BRMS1: variants seen among roughly 807,000 people sequenced by gnomAD.
BRMS1 encodes the protein breast cancer metastasis-suppressor 1.
Under a neutral mutation model 40.4 loss-of-function variants are expected in BRMS1, and 26 were observed. The ratio of observed to expected loss-of-function variants is 0.64; its 90% CI spans 0.47 to 0.89. The LOEUF is 0.89. Ranked by LOEUF, BRMS1 falls within the 40% of genes least tolerant of loss-of-function variation. The pLI is 0.00. For synonymous variants in BRMS1, 103 were observed against 116.0 expected, an observed-to-expected ratio of 0.89 and a Z score of 0.72; for missense variants, 289 against 309.4, an observed-to-expected ratio of 0.93 and a Z score of 0.49.
chr11:66,341,945 T>A lies in BRMS1; in HGVS notation c.139+151A>T. On this transcript the variant is annotated intron_variant, in intron 2 of 9. Coordinates refer to ENST00000359957, the MANE Select transcript of BRMS1 (RefSeq NM_015399.4). This position sits in a 1 kb window ranked among gnomAD's most constrained non-coding sequence, Gnocchi z 4.9. ...TGTGTAGGGGCTGTGTGTGCGTGTG[T>A]GCGCTTGTGTGCAGGGTCTGTGTAT... The A allele has an allele frequency of 1.2e-6, 1 of 855,444 alleles. No homozygotes were observed. Among genetic ancestry groups the A allele is most frequent in the South Asian group, 1.6e-5 (1 of 60,694 alleles). 53.0% of individuals were successfully genotyped at this position (855,444 alleles called of 1,614,324 possible). A position where few individuals can be genotyped will look rare whatever the true frequency, so the allele number is the denominator to read the frequency against.
Position 66,341,580 on chromosome 11 carries a change from G to A in BRMS1, c.183C>T (p.Val61=). The A allele has an allele frequency of 6.2e-7, 1 of 1,614,094 alleles. No individual in the cohort carries two copies. Residue 61 remains valine, a synonymous_variant, in exon 3 of 10, where the codon GTC becomes GTT. Coordinates refer to ENST00000359957, the MANE Select transcript of BRMS1 (RefSeq NM_015399.4). This position sits in a 1 kb window ranked among gnomAD's most constrained non-coding sequence, Gnocchi z 4.9. The part of the protein sequence containing the change: ...EDYERRRSEC[V]SEMLDLEKQF... ...GCTTCTCTAGGTCCAGCATCTCACT[G>A]ACACACTCGCTGCGGCGTCGCTCAT...
intron 1 of BRMS1, among the ~76,000 whole-genome samples, chr11:66,344,324 G>A (rs962749432): frequency 6.6e-6 from 1 of 152,174 alleles, no homozygotes; most frequent in African/African-American, 2.4e-5. Context: ...TTCAAGTTGT[G>A]TATAGTAAGC....
chr11:66,344,700 T>A (rs376910494), intron 1 of BRMS1: 1 of 152,326 alleles, frequency 6.6e-6, no homozygotes, highest in Non-Finnish European at 1.5e-5. Flanking sequence ...AATTTATCTT[T>A]TCAGAATGGC....
At position 66,340,976 on chromosome 11, in the gene BRMS1, C is replaced by A; in HGVS notation, c.429G>T (p.Gln143His). Residue 143 changes from glutamine (Q) to histidine (H), a missense_variant, in exon 5 of 10, where the codon CAG becomes CAT. Physicochemically the swap from Gln to His is conservative, Grantham distance 24. Coordinates refer to ENST00000359957, the MANE Select transcript of BRMS1 (RefSeq NM_015399.4). ...GCCCAATCAGGCCCACCTCCAGGTG[C>A]TGTTTGGCTCCCTGCAGCTCACATT... ...KYECELQGAKQHLESEKLLLY... is the reference protein window; with the variant it reads ...KYECELQGAKHHLESEKLLLY... The A allele has an allele frequency of 2.5e-6, 4 of 1,614,142 alleles. No individual in the cohort carries two copies. Among genetic ancestry groups the A allele is most frequent in the Non-Finnish European group, 3.4e-6 (4 of 1,180,010 alleles).
In BRMS1 at chr11:66,341,672, A is replaced by T; in HGVS notation, c.140-49T>A. 6.6e-7 allele frequency: 1 copy of T among 1,520,562 alleles called. No individual in the cohort carries two copies. The highest frequency in any genetic ancestry group is 9.1e-7 in the Non-Finnish European group (1 of 1,096,054). 94.2% of individuals were successfully genotyped at this position (1,520,562 alleles called of 1,614,324 possible). A position where few individuals can be genotyped will look rare whatever the true frequency, so the allele number is the denominator to read the frequency against. ...CTAGCTCTGGGGAGGAGTGGTGGGT[A>T]CCCGCATGTGTGCATGTGCGTCCTG... On this transcript the variant is annotated intron_variant, in intron 2 of 9. Transcript: ENST00000359957. This position sits in a 1 kb window ranked among gnomAD's most constrained non-coding sequence, Gnocchi z 4.9.
At position 66,345,013 on chromosome 11, in the gene BRMS1, G is replaced by A. The variant is rs553477096; in HGVS notation, c.-49C>T. 6 of 152,420 alleles carry A rather than the reference G, an allele frequency of 3.9e-5. No individual in the cohort carries two copies. The highest frequency in any genetic ancestry group is 2.6e-4 in the Admixed American group (4 of 15,314). 9.4% of individuals were successfully genotyped at this position (152,420 alleles called of 1,614,324 possible). A position where few individuals can be genotyped will look rare whatever the true frequency, so the allele number is the denominator to read the frequency against. On this transcript the variant is annotated 5_prime_UTR_variant, in exon 1 of 10. Transcript: ENST00000359957. Reference sequence around the variant, plus strand: ...TCTGGCCTCACGACGGAGATTCCCTGAGAGCTGCCCGTGGTTGCCGGTACC... The same window carrying A: ...TCTGGCCTCACGACGGAGATTCCCTAAGAGCTGCCCGTGGTTGCCGGTACC...
chr11:66,339,092 GAT>G (rs956981726), intron 7 of BRMS1, among the ~76,000 whole-genome samples: 1 of 152,150 alleles, frequency 6.6e-6, no homozygotes, highest in Non-Finnish European at 1.5e-5. Context: ...CCCCTTCCCT[GAT>G]CCAAAGACAG....
chr11:66,342,238 G>A lies in BRMS1; in HGVS notation c.-4C>T, dbSNP rs759512251. 2 of 1,612,478 alleles carry A rather than the reference G, an allele frequency of 1.2e-6. No homozygotes were observed. ...TGCTTGGAGGCTGGACAGGCATCTG[G>A]ACTCTGGGAGAAGGAATGGAGCTAT... On this transcript the variant is annotated 5_prime_UTR_variant, in exon 2 of 10. Transcript: ENST00000359957.
Position 66,341,143 on chromosome 11 carries a change from G to A in BRMS1, c.358+63C>T. 1 of 1,612,460 alleles carries A rather than the reference G, an allele frequency of 6.2e-7. No individual in the cohort carries two copies. The highest frequency in any genetic ancestry group is 8.5e-7 in the Non-Finnish European group (1 of 1,179,046). The stretch of plus-strand genomic sequence containing the variant: ...AGGGCAAGGCCGGGCAGGAACGAGA[G>A]AGGAAGGGGACAGGGTGCCACGGGT... On this transcript the variant is annotated intron_variant, in intron 4 of 9. Transcript: ENST00000359957. This position sits in a 1 kb window ranked among gnomAD's most constrained non-coding sequence, Gnocchi z 4.9.
chr11:66,341,475 C>CCA lies in BRMS1; in HGVS notation c.230+56_230+57dup. ...CAACCACGCCTGCCCAGTACCAGGCCCACCACCTCCTCATCCCAGATCCTC... is the reference window on the plus strand; with the variant it reads ...CAACCACGCCTGCCCAGTACCAGGCCCACACCACCTCCTCATCCCAGATCCTC... On this transcript the variant is annotated intron_variant, in intron 3 of 9. Transcript: ENST00000359957. The surrounding 1 kb of genome is among the most constrained non-coding windows in gnomAD (Gnocchi z 4.9). 2 of 1,604,438 alleles carry CCA rather than the reference C, an allele frequency of 1.2e-6. No individual in the cohort carries two copies. The highest frequency in any genetic ancestry group is 1.7e-6 in the Non-Finnish European group (2 of 1,171,818).
chr11:66,340,022 G>GTGTGAC, intron 7 of BRMS1, 99 bp downstream of exon 7: 1 of 926,232 alleles, frequency 1.1e-6, no homozygotes, highest in Non-Finnish European at 1.7e-6. Context: ...AGTGCATCTA[G>GTGTGAC]TGTGACTGTC....
At chr11:66,342,004 G>A (rs556673733) in intron 2 of BRMS1, 92 bp downstream of exon 2, 60 of 1,390,364 alleles carry the variant, frequency 4.3e-5, no homozygotes, top group Admixed American at 1.0e-4. Flanking sequence ...GTGCATGTGC[G>A]TGCATGCTTG....
In BRMS1 at chr11:66,338,268, C is replaced by T. The variant is rs759111643; in HGVS notation, c.708G>A (p.Val236=). 1 of 1,611,170 alleles carries T rather than the reference C, an allele frequency of 6.2e-7. No homozygotes were observed. Among genetic ancestry groups the T allele is most frequent in the Admixed American group, 1.7e-5 (1 of 59,708 alleles). The change falls in exon 9 of 10, where the codon GTG becomes GTA. Residue 236 remains valine (V), a synonymous_variant. Coordinates refer to ENST00000359957, the MANE Select transcript of BRMS1 (RefSeq NM_015399.4). ...CATCCGATTTTCTCTTCTGAGGGGA[C>T]ACAGCTGCCCTAGCCTGGGTGGGTG... ...WTAIKKARAA[V]SPQKRKSDGP
At chr11:66,344,669 T>C (rs1855163211) in intron 1 of BRMS1, 1 of 152,254 alleles carries the variant, frequency 6.6e-6, no homozygotes, top group East Asian at 1.9e-4. Context: ...AAAAGCACAC[T>C]GTAAAGCGCT....
chr11:66,342,046 T>C, intron 2 of BRMS1, 50 bp downstream of exon 2: 1 of 1,253,242 alleles, frequency 8.0e-7, no homozygotes, highest in Non-Finnish European at 1.1e-6. Flanking sequence ...CATGTGTGTG[T>C]GTAGGGGCTC....
At chr11:66,338,488 C>T (rs764867692) in intron 8 of BRMS1, 143 of 1,524,704 alleles carry the variant, frequency 9.4e-5, no homozygotes, top group Non-Finnish European at 1.2e-4. Context: ...CACCCTCCCA[C>T]CCCATCAAAA....
In BRMS1 at chr11:66,337,455, AC is replaced by A; in HGVS notation, c.*426del. Reference sequence around the variant, plus strand: ...CTCCAGATCCAGCCAGGGTGGACAGACCCCCAGATAATCACGTCTGACTCAG... The same window carrying A: ...CTCCAGATCCAGCCAGGGTGGACAGACCCCAGATAATCACGTCTGACTCAG... On this transcript the variant is annotated 3_prime_UTR_variant, in exon 10 of 10. Coordinates refer to ENST00000359957, the MANE Select transcript of BRMS1 (RefSeq NM_015399.4). 1 of 544,096 alleles carries A rather than the reference AC, an allele frequency of 1.8e-6. No individual in the cohort carries two copies. The highest frequency in any genetic ancestry group is 3.3e-6 in the Non-Finnish European group (1 of 304,716). The allele number at this position is 544,096 out of a possible 1,614,324, so 33.7% of individuals were successfully genotyped here.
chr11:66,341,999 T>C lies in BRMS1; in HGVS notation c.139+97A>G. ...CTTGTGTGTAGGCGCTGTATGTGCA[T>C]GTGCGTGCATGCTTGTGTGTAGGGG... On this transcript the variant is annotated intron_variant, in intron 2 of 9. Coordinates refer to ENST00000359957, the MANE Select transcript of BRMS1 (RefSeq NM_015399.4). The surrounding 1 kb of genome is among the most constrained non-coding windows in gnomAD (Gnocchi z 4.9). The C allele has an allele frequency of 7.4e-7, 1 of 1,357,130 alleles. No individual in the cohort carries two copies. Among genetic ancestry groups the C allele is most frequent in the South Asian group, 1.3e-5 (1 of 75,052 alleles). The allele number at this position is 1,357,130 out of a possible 1,614,324, so 84.1% of individuals were successfully genotyped here.
chr11:66,338,767 A>G lies in BRMS1; in HGVS notation c.647T>C (p.Met216Thr), dbSNP rs1212409210. ...CTCCAGGATGTCGATCTCTTGAAGC[A>G]TGTACACGATGTATGGGCCTGTGGT... ...PLVSGPYIVY[M>T]LQEIDILEDW... Residue 216 changes from methionine (M) to threonine (T), a missense_variant, in exon 8 of 10, where the codon ATG becomes ACG. By Grantham distance (81) the Met-to-Thr change is moderately conservative. Transcript: ENST00000359957. 1.9e-6 allele frequency: 3 copies of G among 1,569,808 alleles called. No individual in the cohort carries two copies. The highest frequency in any genetic ancestry group is 1.2e-5 in the South Asian group (1 of 84,310).
Sources: gnomAD v4.1 joint callset for allele counts (sites outside exome capture counted in the v4.1 genomes callset) on GRCh38, gnomAD v4.1.1 for gene constraint, Gnocchi (gnomAD v3.1) non-coding constraint, MANE v1.5 for transcripts, NCBI Gene and HGNC (gene_info 2026-07-23, HGNC 2026-07-21) for gene names.